GSE1: variants seen among roughly 807,000 people sequenced by gnomAD.
GSE1 encodes genetic suppressor element 1.
GSE1 carries 32 observed loss-of-function variants against 112.6 expected under a neutral mutation model. The observed-to-expected ratio is 0.28, with a 90% CI of 0.21 to 0.38. The LOEUF (loss-of-function observed/expected upper bound fraction) is 0.38. Ranked by LOEUF, GSE1 falls within the 10% of genes least tolerant of loss-of-function variation. GSE1 has a pLI of 1.00. For missense variants in GSE1, 2,348 were observed against 1,699.2 expected, an observed-to-expected ratio of 1.38 and a Z score of -6.71; for synonymous variants, 1,115 against 735.6, an observed-to-expected ratio of 1.52 and a Z score of -8.35.
intron 1 of GSE1, among the ~76,000 whole-genome samples, chr16:85,577,634 G>C (rs1277268948): frequency 6.6e-6 from 1 of 152,162 alleles, no homozygotes; most frequent in Non-Finnish European, 1.5e-5. Context: ...ACCTGCCCAG[G>C]GTGAGTGTGG....
At chr16:85,342,536 C>G (rs77079520) in intron 1 of GSE1, among the ~76,000 whole-genome samples, 9,636 of 152,178 alleles carry the variant, frequency 0.063, 583 homozygotes, top group African/African-American at 0.16. Flanking sequence ...GCCCCACCAG[C>G]CCCCACTCTC....
intron 1 of GSE1, among the ~76,000 whole-genome samples, chr16:85,256,817 A>T (rs918438372): frequency 6.6e-6 from 1 of 152,278 alleles, no homozygotes; most frequent in Non-Finnish European, 1.5e-5. Flanking sequence ...TTTGGGGCCC[A>T]GGACTGTCAC....
At chr16:85,569,829 C>T (rs111717271) in intron 1 of GSE1, among the ~76,000 whole-genome samples, 2,225 of 152,294 alleles carry the variant, frequency 0.015, 36 homozygotes, top group Non-Finnish European at 0.017. Context: ...CCAGTCTCTC[C>T]GGGGGGCCTT....
chr16:85,604,132 A>T (rs368337688), intron 1 of GSE1, among the ~76,000 whole-genome samples: 14 of 151,892 alleles, frequency 9.2e-5, no homozygotes, highest in African/African-American at 3.1e-4. Flanking sequence ...GACCAAAAGG[A>T]CCACCCCAAA....
intron 1 of GSE1, among the ~76,000 whole-genome samples, chr16:85,258,271 G>T (rs1310203725): frequency 1.3e-5 from 2 of 152,204 alleles, no homozygotes; most frequent in Non-Finnish European, 2.9e-5. Flanking sequence ...GAGCAGCCCA[G>T]TTCCCTTGAG....
At chr16:85,538,294 CG>C (rs2044402049) in intron 2 of GSE1, among the ~76,000 whole-genome samples, 1 of 152,246 alleles carries the variant, frequency 6.6e-6, no homozygotes, top group Non-Finnish European at 1.5e-5. Context: ...AAAGGCAAAT[CG>C]CTTTCAGTGG....
At chr16:85,607,568 C>T (rs2047763757), upstream of GSE1, among the ~76,000 whole-genome samples, 2 of 152,202 alleles carry the variant, frequency 1.3e-5, no homozygotes, top group African/African-American at 4.8e-5. Flanking sequence ...AGGAAAACTC[C>T]TCAAAGGGAG....
chr16:85,462,471 CTGGGGAGCCCCAGCCCTGGG>C (rs980126635), intron 2 of GSE1, among the ~76,000 whole-genome samples: 5 of 151,998 alleles, frequency 3.3e-5, no homozygotes, highest in African/African-American at 1.2e-4. Flanking sequence ...GTGCCCAGGT[CTGGGGAGCCCCAGCCCTGGG>C]GATGGAGAAA....
In GSE1 at chr16:85,259,355, C is replaced by T. The variant is rs1034338006; in HGVS notation, c.2283+87548C>T. Among the ~76,000 whole-genome samples, 42 of 152,116 alleles carry T rather than the reference C, an allele frequency of 2.8e-4. 1 individual carries two copies. Among genetic ancestry groups the T allele is most frequent in the East Asian group, 1.9e-4 (1 of 5,174 alleles). On this transcript the variant is annotated intron_variant, in intron 1 of 2. Coordinates refer to the GSE1 transcript ENST00000637419. ...CCACCCTGTGCTCGCCCCTTCCCTC[C>T]GTGCTCCACCCCTCCTGCCATGGGC... is the stretch of plus-strand genomic sequence containing the variant.
intron 3 of GSE1, among the ~76,000 whole-genome samples, chr16:85,649,338 C>T (rs996414396): frequency 6.6e-6 from 1 of 152,214 alleles, no homozygotes; most frequent in African/African-American, 2.4e-5. Flanking sequence ...ACGCTGAGCA[C>T]CCGGCACACT....
exon 1 of GSE1, chr16:85,169,974 CGACGACGAG>C: frequency 2.0e-6 from 2 of 984,618 alleles, no homozygotes; most frequent in African/African-American, 3.5e-5. Flanking sequence ...CCACCGGCGA[CGACGACGAG>C]GACGACGGTG....
intron 2 of GSE1, among the ~76,000 whole-genome samples, chr16:85,647,604 T>G (rs1199634651): frequency 2.0e-5 from 3 of 152,150 alleles, no homozygotes; most frequent in Non-Finnish European, 2.9e-5. Context: ...TTTTTTTGTT[T>G]TGAGACGAAG....
chr16:85,599,046 G>A (rs868012027), intron 1 of GSE1, among the ~76,000 whole-genome samples: 11 of 152,184 alleles, frequency 7.2e-5, no homozygotes, highest in Non-Finnish European at 1.0e-4. Context: ...CGCAGGAGAC[G>A]TCTTCGGGTA....
chr16:85,353,228 G>A (rs1332750389), intron 1 of GSE1, among the ~76,000 whole-genome samples: 2 of 152,194 alleles, frequency 1.3e-5, no homozygotes, highest in Non-Finnish European at 2.9e-5. Context: ...CTCGACCGGG[G>A]AAGAACCCAC....
At chr16:85,283,559 C>T (rs2930230) in intron 1 of GSE1, 51,008 of 152,486 alleles carry the variant, frequency 0.33, 8,920 homozygotes, top group Non-Finnish European at 0.41. Context: ...CAGCTGCCGG[C>T]GAGTGGGCTG....
chr16:85,397,654 C>T (rs562573274), intron 2 of GSE1, among the ~76,000 whole-genome samples: 1 of 152,222 alleles, frequency 6.6e-6, no homozygotes, highest in African/African-American at 2.4e-5. Flanking sequence ...CACCAGGGTG[C>T]GGGAGGCACC....
intron 2 of GSE1, among the ~76,000 whole-genome samples, chr16:85,520,034 C>T (rs1271940288): frequency 6.6e-6 from 1 of 152,314 alleles, no homozygotes; most frequent in East Asian, 1.9e-4. Flanking sequence ...CTGTCTTAGT[C>T]AGCTCAGGCT....
chr16:85,520,716 C>A (rs1057179368), intron 2 of GSE1, among the ~76,000 whole-genome samples: 1 of 152,078 alleles, frequency 6.6e-6, no homozygotes, highest in Non-Finnish European at 1.5e-5. Context: ...AGCCACCGCG[C>A]CTAGCCCCTG....
chr16:85,237,005 T>C (rs1190191617), intron 1 of GSE1, among the ~76,000 whole-genome samples: 1 of 152,202 alleles, frequency 6.6e-6, no homozygotes, highest in Admixed American at 6.5e-5. Flanking sequence ...CAAGCTGGTG[T>C]CTCACAGAGG....
Sources: gnomAD v4.1 joint callset for allele counts (sites outside exome capture counted in the v4.1 genomes callset) on GRCh38, gnomAD v4.1.1 for gene constraint, MANE v1.5 for transcripts, NCBI Gene and HGNC (gene_info 2026-07-23, HGNC 2026-07-21) for gene names.